The following ANKRD27 variants were observed in gnomAD, a reference collection of about 807,000 sequenced individuals.
ANKRD27 encodes the protein ankyrin repeat domain 27, also known as ankyrin repeat domain-containing protein 27.
A neutral mutation model predicts 129.7 loss-of-function variants in ANKRD27; 112 were observed. That is an observed-to-expected ratio of 0.86 (90% confidence interval 0.74 to 1.01). ANKRD27 has a LOEUF of 1.01. Among genes scored for constraint, ANKRD27 ranks in the 50% least tolerant of loss-of-function variants. The pLI is 0.00. For synonymous variants in ANKRD27, 516 were observed against 511.2 expected, an observed-to-expected ratio of 1.01 and a Z score of -0.13; for missense variants, 1,258 against 1,300.5, an observed-to-expected ratio of 0.97 and a Z score of 0.50.
intron 20 of ANKRD27, among the ~76,000 whole-genome samples, chr19:32,618,192 T>TATGTATATTTATATGTATATACATATAA (rs1329875069): frequency 1.8e-4 from 27 of 152,016 alleles, no homozygotes; most frequent in East Asian, 9.7e-4. Flanking sequence ...TATAAATGTA[T>TATGTATATTTATATGTATATACATATAA]ATGTATATTT....
chr19:32,654,466 C>A (rs1328265016), intron 2 of ANKRD27, among the ~76,000 whole-genome samples: 1 of 152,204 alleles, frequency 6.6e-6, no homozygotes, highest in Non-Finnish European at 1.5e-5. Flanking sequence ...TGGAGACCAT[C>A]GAGATATTCG....
At chr19:32,643,799 G>C (rs1170717636) in intron 5 of ANKRD27, 168 bp from the exon 6 acceptor site, 1 of 646,900 alleles carries the variant, frequency 1.5e-6, no homozygotes, top group African/African-American at 1.8e-5. Context: ...TTAAAAGCAG[G>C]AGAAACTTCC....
At chr19:32,609,964 C>T (rs1971809616) in intron 22 of ANKRD27, among the ~76,000 whole-genome samples, 1 of 151,814 alleles carries the variant, frequency 6.6e-6, no homozygotes, top group African/African-American at 2.4e-5. Flanking sequence ...TCGCTTGGGC[C>T]CAGGAGTTCG....
chr19:32,646,597 T>A lies in ANKRD27; in HGVS notation c.232A>T (p.Asn78Tyr), dbSNP rs1368912945. ...LNGKDVFIQGNRIKLGAGFAC... is the reference protein window; with the variant it reads ...LNGKDVFIQGYRIKLGAGFAC... ...AAACCAGCTCCTAATTTAATCCTGT[T>A]CCCTTGAATAAAGACATCCTGGAAA... The change falls in exon 4 of 29, where the codon AAC becomes TAC. Residue 78 changes from asparagine to tyrosine, a missense_variant. Asn to Tyr is a moderately radical substitution (Grantham distance 143). Coordinates refer to ENST00000306065, the MANE Select transcript of ANKRD27 (RefSeq NM_032139.3). 6.2e-7 allele frequency: 1 copy of A among 1,612,956 alleles called. No individual in the cohort carries two copies. The highest frequency in any genetic ancestry group is 8.5e-7 in the Non-Finnish European group (1 of 1,179,700).
intron 26 of ANKRD27, chr19:32,600,272 G>GATGA (rs1313021200): frequency 2.5e-6 from 1 of 403,972 alleles, no homozygotes; most frequent in East Asian, 4.2e-5. Flanking sequence ...GGGTGCAGTG[G>GATGA]CTCATGCCTG....
chr19:32,673,291 CAGA>C (rs1179730581), intron 1 of ANKRD27: 4 of 985,378 alleles, frequency 4.1e-6, no homozygotes, highest in East Asian at 1.1e-4. Context: ...TATGGCTGGT[CAGA>C]AGAAGTCTCT....
At position 32,615,770 on chromosome 19, in the gene ANKRD27, A is replaced by C; in HGVS notation, c.2063T>G (p.Leu688Arg). 1 of 1,613,476 alleles carries C rather than the reference A, an allele frequency of 6.2e-7. No individual in the cohort carries two copies. The highest frequency in any genetic ancestry group is 8.5e-7 in the Non-Finnish European group (1 of 1,179,648). ...CAGGTCCTCCTCTGTCCATTCCAAC[A>C]GGTAACGCACCTGGTGATGGAGAGT... ...ADGDLEMVRY[L>R]LEWTEEDLED... The change falls in exon 22 of 29, where the codon CTG becomes CGG. Residue 688 changes from leucine to arginine, a missense_variant. Leu to Arg is a moderately radical substitution (Grantham distance 102). Transcript: ENST00000306065.
At chr19:32,664,929 A>G (rs1362849259) in intron 1 of ANKRD27, among the ~76,000 whole-genome samples, 1 of 141,834 alleles carries the variant, frequency 7.1e-6, no homozygotes, top group East Asian at 2.0e-4. Flanking sequence ...CAAAAAAAAA[A>G]AAAAAAAAAA....
rs775983191 is a variant in ANKRD27, at chr19:32,625,961, C to G, written c.1542G>C (p.Leu514=). 6.2e-7 allele frequency: 1 copy of G among 1,606,750 alleles called. No homozygotes were observed. The highest frequency in any genetic ancestry group is 1.7e-5 in the Admixed American group (1 of 58,652). The change falls in exon 17 of 29, where the codon CTG becomes CTC. Residue 514 remains leucine, a synonymous_variant. Transcript: ENST00000306065. ...CCGCGCTGGCCTTGTAGTGCAGCAG[C>G]AGCAGCTGCGGAGATAAAGGAAAGC... The part of the protein sequence containing the change: ...CQKGYQSVTL[L]LLHYKASAEV...
Position 32,631,370 on chromosome 19 carries a change from C to T in ANKRD27, c.1209+32G>A, listed in dbSNP as rs374156344. ...CAAGAGATGCAGTGTTCCTCACCCACATTTACCCACAGAGATGTCTTGGTA... is the reference window on the plus strand; with the variant it reads ...CAAGAGATGCAGTGTTCCTCACCCATATTTACCCACAGAGATGTCTTGGTA... On this transcript the variant is annotated intron_variant, in intron 13 of 28. Transcript: ENST00000306065. 1.0e-4 allele frequency: 161 copies of T among 1,588,894 alleles called. No individual in the cohort carries two copies. The African/African-American group carries it at 2.0e-3, about 20-fold the overall frequency.
chr19:32,601,990 T>C (rs1376066293), intron 26 of ANKRD27, 25 bp downstream of exon 26: 1 of 1,467,656 alleles, frequency 6.8e-7, no homozygotes, highest in African/African-American at 1.4e-5. Context: ...AACTTGAGCG[T>C]GACAGAAAGA....
chr19:32,631,032 T>C (rs1966983257), intron 13 of ANKRD27, among the ~76,000 whole-genome samples: 1 of 151,988 alleles, frequency 6.6e-6, no homozygotes, highest in African/African-American at 2.4e-5. Flanking sequence ...ATTTTTTTTT[T>C]CTTTTTGAGA....
rs147659344 is a variant in ANKRD27, at chr19:32,649,685, T to C, written c.210A>G (p.Gly70=). The C allele has an allele frequency of 4.6e-5, 74 of 1,605,296 alleles. No homozygotes were observed. The African/African-American group carries it at 9.1e-4, about 20-fold the overall frequency. Reference sequence around the variant, plus strand: ...TGATCCACCAAGAAATGAATACCTTTCCATTTAAGGTCTGAAAATGCTCTT... The same window carrying C: ...TGATCCACCAAGAAATGAATACCTTCCCATTTAAGGTCTGAAAATGCTCTT... ...PVEEHFQTLN[G]KDVFIQGNRI... is the part of the protein sequence containing the mutation. Residue 70 remains glycine, a synonymous_variant, in exon 3 of 29, where the codon GGA becomes GGG. Transcript: ENST00000306065.
Position 32,626,748 on chromosome 19 carries a change from G to A in ANKRD27, c.1500C>T (p.Leu500=). The A allele has an allele frequency of 1.2e-6, 2 of 1,612,256 alleles. No individual in the cohort carries two copies. The change falls in exon 16 of 29, where the codon CTC becomes CTT. Residue 500 remains leucine, a synonymous_variant. Transcript: ENST00000306065. ...GGTAGCCCTTCTGACAGGCCAGGTG[G>A]AGCGGAGTGGCTCCATGGTAGTCTG... The part of the protein sequence containing the change: ...NATDYHGATP[L]HLACQKGYQS...
At chr19:32,648,034 G>C (rs932580349) in intron 3 of ANKRD27, among the ~76,000 whole-genome samples, 4 of 152,212 alleles carry the variant, frequency 2.6e-5, no homozygotes, top group African/African-American at 4.8e-5. Context: ...CGGAGACCAA[G>C]GTGGGTGGAT....
intron 18 of ANKRD27, among the ~76,000 whole-genome samples, chr19:32,620,780 G>A (rs186515531): frequency 6.6e-6 from 1 of 150,732 alleles, no homozygotes; most frequent in Non-Finnish European, 1.5e-5. Context: ...CCAGCTACTC[G>A]AGAGCTGAGG....
Position 32,617,608 on chromosome 19 carries a change from G to A in ANKRD27, c.2033C>T (p.Ala678Val). The A allele has an allele frequency of 1.3e-6, 1 of 756,476 alleles. No homozygotes were observed. Among genetic ancestry groups the A allele is most frequent in the South Asian group, 1.4e-5 (1 of 69,344 alleles). The allele number at this position is 756,476 out of a possible 1,614,324, so 46.9% of individuals were successfully genotyped here. A position where few individuals can be genotyped will look rare whatever the true frequency, so the allele number is the denominator to read the frequency against. ...REVEKLLRAV[A>V]DGDLEMVRYL... ...ACTCACCATTTCTAGATCTCCATCA[G>A]CAACTGCTCTCAAAAGTTTTTCTAC... The change falls in exon 21 of 29, where the codon GCT becomes GTT. Residue 678 changes from alanine (A) to valine (V), a missense_variant. Physicochemically the swap from Ala to Val is moderately conservative, Grantham distance 64. Coordinates refer to ENST00000306065, the MANE Select transcript of ANKRD27 (RefSeq NM_032139.3).
At chr19:32,611,969 C>A (rs1313245730) in intron 22 of ANKRD27, among the ~76,000 whole-genome samples, 2 of 152,164 alleles carry the variant, frequency 1.3e-5, no homozygotes, top group Non-Finnish European at 2.9e-5. Context: ...AAACTCCTGG[C>A]CTCAAGTGAT....
intron 10 of ANKRD27, among the ~76,000 whole-genome samples, chr19:32,641,732 CTGACTTTTTCT>C (rs1194194045): frequency 3.3e-5 from 5 of 150,614 alleles, no homozygotes. Flanking sequence ...CTCTTCCTTA[CTGACTTTTTCT>C]TGACTTGTTT....
Sources: allele counts gnomAD v4.1 joint callset (sites outside exome capture counted in the v4.1 genomes callset), GRCh38; gene constraint gnomAD v4.1.1; transcripts MANE v1.5; gene names NCBI Gene and HGNC (gene_info 2026-07-23, HGNC 2026-07-21).